The following FARS2 variants were observed in gnomAD, a reference collection of about 807,000 sequenced individuals.
The protein encoded by FARS2 is phenylalanyl-tRNA synthetase 2, mitochondrial.
FARS2 carries 40 observed loss-of-function variants against 46.4 expected under a neutral mutation model. The observed-to-expected ratio is 0.86, with a 90% confidence interval of 0.67 to 1.12. FARS2 has a LOEUF of 1.12. Among genes scored for constraint, FARS2 ranks in the 50% most tolerant of loss-of-function variants. The pLI is 0.00. For synonymous variants in FARS2, 234 were observed against 214.9 expected (o/e 1.09, Z -0.78); for missense variants, 513 against 567.9 (o/e 0.90, Z 0.98).
At position 5,709,514 on chromosome 6, in the gene FARS2, C is replaced by G. The variant is rs187336176; in HGVS notation, c.1218-61777C>G. 4.5e-4 allele frequency among the ~76,000 whole-genome samples: 69 copies of G among 152,216 alleles called. No individual in the cohort carries two copies. In the South Asian group the frequency reaches 8.9e-3, roughly 20 times the overall value. ...TTTGCACTCACCTTTGGAAAGTATT[C>G]TTTCCTTTAGTGTAAGGTTCCTGGA... On this transcript the variant is annotated intron_variant, in intron 6 of 6. Coordinates refer to ENST00000274680, the MANE Select transcript of FARS2 (RefSeq NM_006567.5).
intron 6 of FARS2, among the ~76,000 whole-genome samples, chr6:5,691,939 G>T (rs930271340): frequency 6.6e-6 from 1 of 152,186 alleles, no homozygotes; most frequent in Non-Finnish European, 1.5e-5. Context: ...ATCTCAGACT[G>T]CTGTGCTAGC....
intron 6 of FARS2, among the ~76,000 whole-genome samples, chr6:5,717,063 C>G (rs942901406): frequency 2.0e-5 from 3 of 152,228 alleles, no homozygotes; most frequent in African/African-American, 7.2e-5. Context: ...TTCTTCGTCT[C>G]TCTGTGCAAC....
In FARS2 at chr6:5,615,433, T is replaced by A. The variant is rs577643341; in HGVS notation, c.1217+2113T>A. 1.1e-3 allele frequency among the ~76,000 whole-genome samples: 162 copies of A among 152,344 alleles called. 1 individual carries two copies. Among genetic ancestry groups the A allele is most frequent in the African/African-American group, 3.7e-3 (153 of 41,574 alleles). On this transcript the variant is annotated intron_variant, in intron 6 of 6. Transcript: ENST00000274680. The stretch of plus-strand genomic sequence containing the variant: ...CTTTGCTTTTCTCCCCGTTCTGGGT[T>A]CTGCAAGCTCACATTTTAGCTCCCC...
intron 1 of FARS2, among the ~76,000 whole-genome samples, chr6:5,302,798 A>G (rs918185849): frequency 7.2e-5 from 11 of 152,084 alleles, no homozygotes; most frequent in Non-Finnish European, 1.0e-4. Flanking sequence ...TGGTTTGGGC[A>G]GTGGAGTGGT....
At chr6:5,600,580 AAG>A (rs150231378) in intron 5 of FARS2, among the ~76,000 whole-genome samples, 34,377 of 152,044 alleles carry the variant, frequency 0.23, 4,047 homozygotes, top group African/African-American at 0.27. Flanking sequence ...AATTAAAAGT[AAG>A]GGCCATCAAA....
At chr6:5,384,226 T>G (rs4267990) in intron 2 of FARS2, among the ~76,000 whole-genome samples, 100,239 of 152,108 alleles carry the variant, frequency 0.66, 33,556 homozygotes, top group African/African-American at 0.77. Context: ...AGCTTGGCAG[T>G]AATATTAATC....
intron 5 of FARS2, among the ~76,000 whole-genome samples, chr6:5,587,181 C>G (rs1406128301): frequency 6.6e-6 from 1 of 152,132 alleles, no homozygotes; most frequent in African/African-American, 2.4e-5. Context: ...AAAATGGAAA[C>G]AAAATCATTT....
chr6:5,607,831 T>C (rs1470406205), intron 5 of FARS2, among the ~76,000 whole-genome samples: 2 of 152,066 alleles, frequency 1.3e-5, no homozygotes, highest in Non-Finnish European at 2.9e-5. Flanking sequence ...TATTAGAAAG[T>C]GATAGATCAA....
chr6:5,690,290 C>T (rs982111733), intron 6 of FARS2, among the ~76,000 whole-genome samples: 12 of 152,146 alleles, frequency 7.9e-5, no homozygotes, highest in East Asian at 5.8e-4. Flanking sequence ...TTCTTCCTAG[C>T]CTCGATGGTC....
At chr6:5,532,651 T>C (rs1157685933) in intron 4 of FARS2, among the ~76,000 whole-genome samples, 1 of 152,150 alleles carries the variant, frequency 6.6e-6, no homozygotes, top group East Asian at 1.9e-4. Flanking sequence ...CTCGGGAGGC[T>C]GAGGCAGGAG....
intron 1 of FARS2, among the ~76,000 whole-genome samples, chr6:5,306,671 C>A (rs979800009): frequency 6.6e-6 from 1 of 152,152 alleles, no homozygotes; most frequent in Non-Finnish European, 1.5e-5. Context: ...AAGCCACTTT[C>A]TTTCTGGGAG....
intron 3 of FARS2, among the ~76,000 whole-genome samples, chr6:5,415,673 C>G (rs913976550): frequency 6.6e-6 from 1 of 152,088 alleles, no homozygotes; most frequent in Non-Finnish European, 1.5e-5. Flanking sequence ...TATTTGCATT[C>G]ATATAACTAT....
chr6:5,526,473 CTAAAT>C (rs1304073497), intron 4 of FARS2, among the ~76,000 whole-genome samples: 2 of 152,188 alleles, frequency 1.3e-5, no homozygotes, highest in South Asian at 2.1e-4. Context: ...ATTACTTACT[CTAAAT>C]TAAGTTCCTT....
intron 6 of FARS2, among the ~76,000 whole-genome samples, chr6:5,696,406 T>C (rs915163504): frequency 2.0e-5 from 3 of 152,234 alleles, no homozygotes; most frequent in African/African-American, 4.8e-5. Context: ...ATTTTTTTTA[T>C]AGGGCATGGC....
At chr6:5,393,038 G>A (rs891761502) in intron 2 of FARS2, among the ~76,000 whole-genome samples, 5 of 151,488 alleles carry the variant, frequency 3.3e-5, no homozygotes, top group Non-Finnish European at 7.4e-5. Flanking sequence ...ACAATGGAAT[G>A]TGTGCTGCAT....
chr6:5,479,698 C>T lies in FARS2; in HGVS notation c.904+48526C>T, dbSNP rs188787445. On this transcript the variant is annotated intron_variant, in intron 4 of 6. Transcript: ENST00000274680. ...GCCCTGTGCAGTGACCCAGTTCAGGCGGTATCGTGTATATAAAATTCCACA... is the reference window on the plus strand; with the variant it reads ...GCCCTGTGCAGTGACCCAGTTCAGGTGGTATCGTGTATATAAAATTCCACA... Among the ~76,000 whole-genome samples the T allele has an allele frequency of 1.2e-4, 19 of 152,250 alleles. No individual in the cohort carries two copies. The South Asian group carries it at 1.7e-3, about 13-fold the overall frequency.
At chr6:5,384,863 C>G (rs1245913521) in intron 2 of FARS2, among the ~76,000 whole-genome samples, 2 of 152,122 alleles carry the variant, frequency 1.3e-5, no homozygotes, top group East Asian at 3.9e-4. Flanking sequence ...GACTGTTTCA[C>G]ATCTCTTCCC....
chr6:5,673,187 G>A (rs149916531), intron 6 of FARS2, among the ~76,000 whole-genome samples: 1 of 152,276 alleles, frequency 6.6e-6, no homozygotes, highest in Non-Finnish European at 1.5e-5. Flanking sequence ...AATTAGAGAA[G>A]CACTGTCTAC....
chr6:5,330,518 C>G (rs985666749), intron 1 of FARS2, among the ~76,000 whole-genome samples: 4 of 152,052 alleles, frequency 2.6e-5, no homozygotes, highest in South Asian at 4.1e-4. Context: ...ATGATATAGG[C>G]TAGGAGAATA....
Sources: allele counts gnomAD v4.1 joint callset (sites outside exome capture counted in the v4.1 genomes callset), GRCh38; gene constraint gnomAD v4.1.1; transcripts MANE v1.5; gene names NCBI Gene and HGNC (gene_info 2026-07-23, HGNC 2026-07-21).